CAMTA1: variants seen among roughly 807,000 people sequenced by gnomAD.
CAMTA1 encodes calmodulin-binding transcription activator 1.
CAMTA1 carries 27 observed loss-of-function variants against 170.9 expected under a neutral mutation model. The observed-to-expected ratio is 0.16, with a 90% confidence interval of 0.12 to 0.22. CAMTA1 has a LOEUF of 0.22. Ranked by LOEUF, CAMTA1 falls within the 10% of genes least tolerant of loss-of-function variation. The probability of loss-of-function intolerance (pLI) is 1.00; values close to 1 mark genes in which losing one functional copy is unlikely to be tolerated. For missense variants in CAMTA1, 1,619 were observed against 2,217.2 expected, an observed-to-expected ratio of 0.73 and a Z score of 5.42; for synonymous variants, 833 against 891.5, an observed-to-expected ratio of 0.93 and a Z score of 1.17.
chr1:7,458,064 T>C (rs1750840), intron 5 of CAMTA1, among the ~76,000 whole-genome samples: 31,460 of 145,090 alleles, frequency 0.22, 3,611 homozygotes, highest in African/African-American at 0.3. Context: ...GCTTCCTGTC[T>C]GGGGGTGGGG....
chr1:7,724,235 C>G (rs2096668083), intron 11 of CAMTA1, among the ~76,000 whole-genome samples: 2 of 152,168 alleles, frequency 1.3e-5, no homozygotes, highest in Non-Finnish European at 2.9e-5. Flanking sequence ...GATCCTGGAA[C>G]AGAAAAAGGA....
chr1:6,843,602 C>T (rs1656753393), intron 3 of CAMTA1, among the ~76,000 whole-genome samples: 1 of 152,208 alleles, frequency 6.6e-6, no homozygotes, highest in Non-Finnish European at 1.5e-5. Flanking sequence ...GCCTCAGTCT[C>T]CCAGGTAGCT....
chr1:7,340,501 A>G (rs1358183615), intron 5 of CAMTA1, among the ~76,000 whole-genome samples: 2 of 150,174 alleles, frequency 1.3e-5, no homozygotes, highest in African/African-American at 4.9e-5. Flanking sequence ...CCCTTTCCCA[A>G]ATGGTTGCTT....
Position 7,312,102 on chromosome 1 carries a change from T to G in CAMTA1, c.438+62476T>G, listed in dbSNP as rs147236301. 1.8e-3 allele frequency among the ~76,000 whole-genome samples: 278 copies of G among 152,266 alleles called. 3 individuals carry two copies. Among genetic ancestry groups the G allele is most frequent in the South Asian group, 0.015 (74 of 4,818 alleles). ...TGGTCAGTTGTACAGATGCCATGAC[T>G]GCACCCACATCTGGGACCACAGCAG... On this transcript the variant is annotated intron_variant, in intron 5 of 22. Transcript: ENST00000303635.
intron 5 of CAMTA1, among the ~76,000 whole-genome samples, chr1:7,343,937 C>T (rs1172297749): frequency 6.6e-6 from 1 of 152,218 alleles, no homozygotes; most frequent in African/African-American, 2.4e-5. Flanking sequence ...ATTCACCGAA[C>T]TCTTCTGCCT....
At chr1:7,589,135 G>GCC in intron 6 of CAMTA1, among the ~76,000 whole-genome samples, 1 of 152,282 alleles carries the variant, frequency 6.6e-6, no homozygotes, top group Middle Eastern at 3.4e-3. Flanking sequence ...AAAGACGCTT[G>GCC]CCCCAGGCTC....
intron 5 of CAMTA1, among the ~76,000 whole-genome samples, chr1:7,410,932 T>C (rs1435049179): frequency 6.6e-6 from 1 of 151,934 alleles, no homozygotes; most frequent in East Asian, 1.9e-4. Flanking sequence ...TGTATGTCTG[T>C]GTGTATGTGT....
At chr1:7,069,464 C>T (rs922529598) in intron 3 of CAMTA1, among the ~76,000 whole-genome samples, 3 of 152,146 alleles carry the variant, frequency 2.0e-5, no homozygotes, top group Non-Finnish European at 4.4e-5. Flanking sequence ...GGGCCTGGCA[C>T]GGGGCAACGG....
chr1:7,611,159 G>A (rs1266573663), intron 6 of CAMTA1, among the ~76,000 whole-genome samples: 3 of 152,164 alleles, frequency 2.0e-5, no homozygotes, highest in Non-Finnish European at 4.4e-5. Context: ...GCCATGGTGC[G>A]GGCCTAGTCC....
intron 3 of CAMTA1, among the ~76,000 whole-genome samples, chr1:6,856,671 T>C (rs1662537611): frequency 6.6e-6 from 1 of 152,202 alleles, no homozygotes; most frequent in Admixed American, 6.5e-5. Context: ...GGGTACATAC[T>C]TACACAGTGC....
intron 4 of CAMTA1, among the ~76,000 whole-genome samples, chr1:7,104,218 CACA>C (rs1370427168): frequency 6.7e-6 from 1 of 150,374 alleles, no homozygotes; most frequent in East Asian, 1.9e-4. Flanking sequence ...CACATGTACA[CACA>C]ACACAACTAC....
intron 3 of CAMTA1, among the ~76,000 whole-genome samples, chr1:7,020,426 G>T (rs1701175833): frequency 6.6e-6 from 1 of 152,218 alleles, no homozygotes; most frequent in Non-Finnish European, 1.5e-5. Flanking sequence ...TGGGAGGGTA[G>T]GAGGCTATCC....
At chr1:7,576,096 C>T (rs1175752664) in intron 6 of CAMTA1, among the ~76,000 whole-genome samples, 1 of 152,126 alleles carries the variant, frequency 6.6e-6, no homozygotes, top group Non-Finnish European at 1.5e-5. Context: ...GCAACCTCCA[C>T]CTCCCAGGTT....
At chr1:7,418,627 C>A (rs1410664838) in intron 5 of CAMTA1, among the ~76,000 whole-genome samples, 1 of 152,216 alleles carries the variant, frequency 6.6e-6, no homozygotes, top group African/African-American at 2.4e-5. Flanking sequence ...ATCCACCTGT[C>A]CACTCCACAT....
chr1:7,347,697 G>T (rs1340504562), intron 5 of CAMTA1, among the ~76,000 whole-genome samples: 1 of 152,100 alleles, frequency 6.6e-6, no homozygotes, highest in Non-Finnish European at 1.5e-5. Context: ...CCCCTCTTCA[G>T]CTCCTGGTGG....
In CAMTA1 at chr1:7,463,719, C is replaced by T. The variant is rs1175780419; in HGVS notation, c.439-4111C>T. Among the ~76,000 whole-genome samples, 2 of 152,054 alleles carry T rather than the reference C, an allele frequency of 1.3e-5. No homozygotes were observed. Among genetic ancestry groups the T allele is most frequent in the South Asian group, 2.1e-4 (1 of 4,826 alleles). On this transcript the variant is annotated intron_variant, in intron 5 of 22. Transcript: ENST00000303635. This position sits in a 1 kb window ranked among gnomAD's most constrained non-coding sequence, Gnocchi z 4.7. ...AGAAATCTGCTGCGTCAGATGAGGC[C>T]GTAGAGAGCTGGCCGGGAAGGGAGG...
At chr1:7,131,215 G>A (rs2148536298) in intron 4 of CAMTA1, among the ~76,000 whole-genome samples, 1 of 152,242 alleles carries the variant, frequency 6.6e-6, no homozygotes, top group South Asian at 2.1e-4. Flanking sequence ...GCCTCCCAAA[G>A]TGCCAGGATT....
intron 4 of CAMTA1, among the ~76,000 whole-genome samples, chr1:7,236,475 G>T (rs1231584099): frequency 6.6e-6 from 1 of 152,198 alleles, no homozygotes; most frequent in Non-Finnish European, 1.5e-5. Context: ...GAAGGGGAGG[G>T]GTAGCTGGGG....
chr1:6,939,807 C>T (rs762775501), intron 3 of CAMTA1, among the ~76,000 whole-genome samples: 11 of 152,270 alleles, frequency 7.2e-5, no homozygotes, highest in Non-Finnish European at 1.6e-4. Context: ...CTCTCCAAGG[C>T]TTCTGCCTAG....
Sources: allele counts gnomAD v4.1 joint callset (sites outside exome capture counted in the v4.1 genomes callset), GRCh38; gene constraint gnomAD v4.1.1; non-coding constraint Gnocchi (gnomAD v3.1); transcripts MANE v1.5; gene names NCBI Gene and HGNC (gene_info 2026-07-23, HGNC 2026-07-21).